SLC12A8: variants seen among roughly 807,000 people sequenced by gnomAD.
SLC12A8 encodes solute carrier family 12 member 8.
SLC12A8 carries 69 observed loss-of-function variants against 75.6 expected under a neutral mutation model. The observed-to-expected ratio is 0.91, with a 90% confidence interval of 0.75 to 1.11. The LOEUF (loss-of-function observed/expected upper bound fraction) is 1.11, where lower values mean the gene tolerates loss of function less well. Ranked by LOEUF, SLC12A8 falls within the 50% of genes most tolerant of loss-of-function variation. SLC12A8 has a pLI of 0.00. For synonymous variants in SLC12A8, 365 were observed against 372.8 expected, an observed-to-expected ratio of 0.98 and a Z score of 0.24; for missense variants, 877 against 896.7, an observed-to-expected ratio of 0.98 and a Z score of 0.28.
At chr3:125,132,876 C>A (rs550081715) in intron 6 of SLC12A8, among the ~76,000 whole-genome samples, 28 of 152,200 alleles carry the variant, frequency 1.8e-4, no homozygotes, top group Admixed American at 3.9e-4. Context: ...AGGGGATGCA[C>A]CTATAAAGGC....
At chr3:125,128,203 C>T (rs546547499) in intron 6 of SLC12A8, among the ~76,000 whole-genome samples, 13,647 of 103,610 alleles carry the variant, frequency 0.13, 1,072 homozygotes, top group Middle Eastern at 0.29. Context: ...TTTTTTGAGA[C>T]GGAGTCTCGC....
intron 5 of SLC12A8, among the ~76,000 whole-genome samples, chr3:125,140,507 C>T (rs1481051413): frequency 6.6e-6 from 1 of 152,112 alleles, no homozygotes; most frequent in Non-Finnish European, 1.5e-5. Flanking sequence ...CTCCCCCGGC[C>T]CCATTTGTGT....
intron 4 of SLC12A8, among the ~76,000 whole-genome samples, chr3:125,179,654 T>C (rs1934609459): frequency 6.6e-6 from 1 of 152,082 alleles, no homozygotes; most frequent in Admixed American, 6.5e-5. Context: ...TCTGTCCATA[T>C]TAGGATGAGG....
At chr3:125,089,938 A>T (rs1354057384) in intron 12 of SLC12A8, among the ~76,000 whole-genome samples, 2 of 151,092 alleles carry the variant, frequency 1.3e-5, no homozygotes, top group African/African-American at 4.9e-5. Context: ...TTCCATTTTC[A>T]CCTTTATTCA....
intron 2 of SLC12A8, among the ~76,000 whole-genome samples, chr3:125,201,496 C>T (rs550931368): frequency 3.2e-4 from 48 of 152,014 alleles, no homozygotes; most frequent in African/African-American, 1.2e-3. Flanking sequence ...GCATCAAAGC[C>T]GGGTGAGGTG....
chr3:125,120,950 C>G lies in SLC12A8; in HGVS notation c.737-264G>C, dbSNP rs1342707088. 5 of 675,650 alleles carry G rather than the reference C, an allele frequency of 7.4e-6. No homozygotes were observed. In the South Asian group the frequency reaches 8.0e-5, roughly 11 times the overall value. 41.9% of individuals were successfully genotyped at this position (675,650 alleles called of 1,614,324 possible). A position where few individuals can be genotyped will look rare whatever the true frequency, so the allele number is the denominator to read the frequency against. The stretch of plus-strand genomic sequence containing the variant: ...GCTCCAAAAGCATCCTACCGCTCAG[C>G]GCAAAGCAACCAGGGGGGAGGAAAG... On this transcript the variant is annotated intron_variant, in intron 6 of 13. Coordinates refer to ENST00000469902, the MANE Select transcript of SLC12A8 (RefSeq NM_024628.6).
At chr3:125,127,610 G>A (rs1006541236) in intron 6 of SLC12A8, among the ~76,000 whole-genome samples, 4 of 152,208 alleles carry the variant, frequency 2.6e-5, no homozygotes, top group Non-Finnish European at 4.4e-5. Context: ...AGGAGCTCAC[G>A]CAAGTGAGGG....
Position 125,169,347 on chromosome 3 carries a change from TG to T in SLC12A8, c.622+8395del, listed in dbSNP as rs1934357887. Among the ~76,000 whole-genome samples, 3 of 152,164 alleles carry T rather than the reference TG, an allele frequency of 2.0e-5. No individual in the cohort carries two copies. The South Asian group carries it at 6.2e-4, about 32-fold the overall frequency. ...AGCCTTGTGCAGTGATGCTTGTTTT[TG>T]GAAGGATGGGACAGGAGGTGAAGAA... On this transcript the variant is annotated intron_variant, in intron 5 of 13. Transcript: ENST00000469902.
At chr3:125,093,159 C>A (rs1280537141) in intron 10 of SLC12A8, among the ~76,000 whole-genome samples, 1 of 152,180 alleles carries the variant, frequency 6.6e-6, no homozygotes, top group Non-Finnish European at 1.5e-5. Context: ...ACAATATGGT[C>A]TAATCACCAT....
At chr3:125,087,615 CT>C (rs1938492403) in intron 13 of SLC12A8, among the ~76,000 whole-genome samples, 1 of 152,158 alleles carries the variant, frequency 6.6e-6, no homozygotes, top group African/African-American at 2.4e-5. Flanking sequence ...GCCTGCAGCT[CT>C]AGCTCCTCAC....
chr3:125,181,325 G>A (rs1397696130), intron 4 of SLC12A8, among the ~76,000 whole-genome samples: 1 of 152,004 alleles, frequency 6.6e-6, no homozygotes, highest in South Asian at 2.1e-4. Context: ...AAATAGGCCA[G>A]GCGCGGTGGC....
chr3:125,142,629 G>A (rs1933676437), intron 5 of SLC12A8, among the ~76,000 whole-genome samples: 1 of 152,224 alleles, frequency 6.6e-6, no homozygotes, highest in Admixed American at 6.5e-5. Context: ...CTGTAAACAA[G>A]CCCTTTTCCC....
rs1938592439 is a variant in SLC12A8, at chr3:125,092,041, C to A, written c.1803+60G>T. The A allele has an allele frequency of 4.9e-6, 6 of 1,218,070 alleles. No individual in the cohort carries two copies. In the East Asian group the frequency reaches 1.4e-4, roughly 29 times the overall value. 75.5% of individuals were successfully genotyped at this position (1,218,070 alleles called of 1,614,324 possible). ...TTTCCTCCCCCACAGCCCAAGATCA[C>A]ACATGTGTCCACCTGAACTCTGTCC... On this transcript the variant is annotated intron_variant, in intron 11 of 13. Coordinates refer to ENST00000469902, the MANE Select transcript of SLC12A8 (RefSeq NM_024628.6).
intron 5 of SLC12A8, among the ~76,000 whole-genome samples, chr3:125,149,855 G>A (rs1933875232): frequency 6.6e-6 from 1 of 152,154 alleles, no homozygotes; most frequent in Non-Finnish European, 1.5e-5. Flanking sequence ...AGAGCAGGTG[G>A]ATTTTGGGGA....
At chr3:125,138,949 G>C (rs1933561907) in intron 5 of SLC12A8, among the ~76,000 whole-genome samples, 1 of 151,938 alleles carries the variant, frequency 6.6e-6, no homozygotes, top group South Asian at 2.1e-4. Context: ...CTTGAGCCCA[G>C]AAGGTCAAGG....
intron 5 of SLC12A8, among the ~76,000 whole-genome samples, chr3:125,176,785 A>C (rs1240606643): frequency 2.1e-5 from 3 of 145,494 alleles, no homozygotes; most frequent in African/African-American, 7.5e-5. Context: ...ATACCATCTC[A>C]CACCAGTTAG....
rs768867082 is a variant in SLC12A8 at position 125,187,363 on chromosome 3, C to T, written c.264G>A (p.Thr88=). The T allele has an allele frequency of 5.6e-6, 9 of 1,614,050 alleles. No homozygotes were observed. The East Asian group carries it at 6.7e-5, about 12-fold the overall frequency. Residue 88 remains threonine (T), a synonymous_variant, in exon 4 of 14, where the codon ACG becomes ACA. Coordinates refer to ENST00000469902, the MANE Select transcript of SLC12A8 (RefSeq NM_024628.6). ...VSFVILVALV[T]VLSGIGVGER... is the part of the protein sequence containing the mutation. ...CCCCGACGCCAATGCCAGACAGCAC[C>T]GTGACGAGGGCCACCAGGATGACGA...
At chr3:125,109,162 T>C (rs1460883517) in intron 9 of SLC12A8, among the ~76,000 whole-genome samples, 1 of 152,188 alleles carries the variant, frequency 6.6e-6, no homozygotes, top group Non-Finnish European at 1.5e-5. Context: ...TTGGTTTCTG[T>C]GGCTGGCTTT....
At chr3:125,135,302 T>C (rs1933458965) in intron 6 of SLC12A8, among the ~76,000 whole-genome samples, 1 of 152,242 alleles carries the variant, frequency 6.6e-6, no homozygotes, top group African/African-American at 2.4e-5. Flanking sequence ...CGGCTTGTCC[T>C]GCTGAGGAAT....
Sources: allele counts gnomAD v4.1 joint callset (sites outside exome capture counted in the v4.1 genomes callset), GRCh38; gene constraint gnomAD v4.1.1; transcripts MANE v1.5; gene names NCBI Gene and HGNC (gene_info 2026-07-23, HGNC 2026-07-21).